Variants in GRIA4 observed in about 807,000 individuals in gnomAD.
GRIA4 encodes glutamate ionotropic receptor AMPA type subunit 4.
A neutral mutation model predicts 104.0 loss-of-function variants in GRIA4; 34 were observed. The observed-to-expected ratio is 0.33, with a 90% CI of 0.25 to 0.44. GRIA4 has a LOEUF of 0.44. GRIA4 is among the 20% of genes least tolerant of loss of function. The pLI is 1.00. For synonymous variants in GRIA4, 386 were observed against 381.9 expected (o/e 1.01, Z -0.13); for missense variants, 750 against 1,096.5 (o/e 0.68, Z 4.46).
chr11:105,674,229 C>T (rs763921101), intron 3 of GRIA4, among the ~76,000 whole-genome samples: 1 of 151,798 alleles, frequency 6.6e-6, no homozygotes, highest in Non-Finnish European at 1.5e-5. Flanking sequence ...ATTTTGGTAG[C>T]CTGGTGTTTT....
intron 8 of GRIA4, among the ~76,000 whole-genome samples, chr11:105,904,439 A>G (rs1019435094): frequency 6.6e-6 from 1 of 152,200 alleles, no homozygotes; most frequent in Non-Finnish European, 1.5e-5. Flanking sequence ...TTTACAACTC[A>G]TATGTCAGAA....
In GRIA4 at chr11:105,794,518, TACACAC is replaced by T. The variant is rs1165940733; in HGVS notation, c.487+41306_487+41311del. Among the ~76,000 whole-genome samples, 40 of 120,958 alleles carry T rather than the reference TACACAC, an allele frequency of 3.3e-4. No homozygotes were observed. The South Asian group carries it at 9.8e-3, about 30-fold the overall frequency. 79.4% of individuals were successfully genotyped at this position (120,958 alleles called of 152,430 possible). On this transcript the variant is annotated intron_variant, in intron 4 of 16. Transcript: ENST00000282499. ...ATATATATATATATATATATACATA[TACACAC>T]ACACACATATCTGTCTCTCTGAGAT... is the stretch of plus-strand genomic sequence containing the variant.
chr11:105,658,916 G>T (rs1951923993), intron 3 of GRIA4, among the ~76,000 whole-genome samples: 1 of 151,950 alleles, frequency 6.6e-6, no homozygotes. Context: ...CAGACAGACT[G>T]AATCCATAGG....
intron 3 of GRIA4, among the ~76,000 whole-genome samples, chr11:105,677,008 G>T (rs1275298610): frequency 1.3e-5 from 2 of 151,706 alleles, no homozygotes; most frequent in Non-Finnish European, 3.0e-5. Flanking sequence ...CATTCCATTT[G>T]CATAATTCAA....
Position 105,753,141 on chromosome 11 carries a change from T to G in GRIA4, c.408T>G (p.Pro136=). The change falls in exon 4 of 17, where the codon CCT becomes CCG. Residue 136 remains proline, a synonymous_variant. Transcript: ENST00000282499. ...GCCAGTTTGTGCTGCAACTAAGACC[T>G]TCGTTACGAGGAGCACTCTTGAGTT... The part of the protein sequence containing the change: ...GESQFVLQLR[P]SLRGALLSLL... 3 of 1,613,808 alleles carry G rather than the reference T, an allele frequency of 1.9e-6. No homozygotes were observed. The highest frequency in any genetic ancestry group is 1.7e-6 in the Non-Finnish European group (2 of 1,179,782).
intron 3 of GRIA4, among the ~76,000 whole-genome samples, chr11:105,658,272 C>T (rs375184360): frequency 9.9e-5 from 15 of 151,714 alleles, no homozygotes; most frequent in African/African-American, 3.6e-4. Flanking sequence ...TTGCTGCTTG[C>T]CATGAGTTTA....
chr11:105,740,290 T>C (rs904993162), intron 3 of GRIA4, among the ~76,000 whole-genome samples: 1 of 152,196 alleles, frequency 6.6e-6, no homozygotes, highest in Non-Finnish European at 1.5e-5. Flanking sequence ...AGTTAATGCA[T>C]GGTCAAAAGG....
chr11:105,629,163 C>T (rs1441567140), intron 3 of GRIA4, among the ~76,000 whole-genome samples: 35 of 151,174 alleles, frequency 2.3e-4, no homozygotes, highest in Non-Finnish European at 5.9e-5. Context: ...ATCCCTTGAG[C>T]CCAGGAGTTG....
At chr11:105,743,723 T>C (rs1939471120) in intron 3 of GRIA4, among the ~76,000 whole-genome samples, 3 of 152,166 alleles carry the variant, frequency 2.0e-5, no homozygotes, top group African/African-American at 7.2e-5. Flanking sequence ...ACTTCTCCCA[T>C]AGTATCCAAG....
intron 3 of GRIA4, among the ~76,000 whole-genome samples, chr11:105,743,089 T>C (rs1939418524): frequency 1.3e-5 from 2 of 152,080 alleles, no homozygotes; most frequent in Non-Finnish European, 2.9e-5. Flanking sequence ...TTCTTATCAC[T>C]ATGTTTTTGT....
intron 5 of GRIA4, among the ~76,000 whole-genome samples, chr11:105,886,665 G>A (rs1043955702): frequency 6.6e-6 from 1 of 152,064 alleles, no homozygotes; most frequent in Non-Finnish European, 1.5e-5. Flanking sequence ...CTTTGACAAT[G>A]AACGTACCTG....
intron 3 of GRIA4, among the ~76,000 whole-genome samples, chr11:105,714,174 T>C (rs1367154430): frequency 1.3e-5 from 2 of 152,068 alleles, no homozygotes; most frequent in Admixed American, 1.3e-4. Context: ...TCTCAAAACT[T>C]GATGATGTCA....
intron 14 of GRIA4, among the ~76,000 whole-genome samples, chr11:105,965,631 A>G (rs531899974): frequency 6.6e-6 from 1 of 151,952 alleles, no homozygotes; most frequent in South Asian, 2.1e-4. Context: ...TTCAAGACAC[A>G]ATTCTTTCTC....
rs112831927 is a variant in GRIA4, at chr11:105,798,017, C to T, written c.487+44797C>T. ...CACCTACTATGTGCCAGGAACTATC[C>T]TAGATTCAGCAATAATAACACTACT... On this transcript the variant is annotated intron_variant, in intron 4 of 16. Coordinates refer to ENST00000282499, the MANE Select transcript of GRIA4 (RefSeq NM_000829.4). 1,737 of 331,256 alleles carry T rather than the reference C, an allele frequency of 5.2e-3. 35 individuals are homozygous for T. Among genetic ancestry groups the T allele is most frequent in the African/African-American group, 0.035 (1,624 of 46,144 alleles). 20.5% of individuals were successfully genotyped at this position (331,256 alleles called of 1,614,324 possible). A position where few individuals can be genotyped will look rare whatever the true frequency, so the allele number is the denominator to read the frequency against.
chr11:105,938,788 T>C (rs1948115099), intron 14 of GRIA4, among the ~76,000 whole-genome samples: 1 of 152,140 alleles, frequency 6.6e-6, no homozygotes, highest in African/African-American at 2.4e-5. Context: ...TTATTGTGTG[T>C]ACCAAGTATT....
intron 4 of GRIA4, among the ~76,000 whole-genome samples, chr11:105,857,536 T>G (rs969070915): frequency 2.0e-5 from 3 of 152,124 alleles, no homozygotes; most frequent in Admixed American, 2.0e-4. Context: ...ATAATCTAGA[T>G]GTTTCTCTAT....
chr11:105,636,419 C>A (rs1951203135), intron 3 of GRIA4, among the ~76,000 whole-genome samples: 1 of 152,116 alleles, frequency 6.6e-6, no homozygotes. Context: ...TTCAGAGTGA[C>A]TTTTTATTCA....
intron 4 of GRIA4, among the ~76,000 whole-genome samples, chr11:105,846,905 T>C (rs1340256439): frequency 6.6e-6 from 1 of 152,248 alleles, no homozygotes; most frequent in Non-Finnish European, 1.5e-5. Flanking sequence ...AACATTACTG[T>C]ATACCTTGTA....
chr11:105,651,284 C>G (rs756079792), intron 3 of GRIA4, among the ~76,000 whole-genome samples: 10 of 152,168 alleles, frequency 6.6e-5, no homozygotes, highest in Non-Finnish European at 1.0e-4. Context: ...GGCTCATGAC[C>G]TCTTCGAAGT....
Sources: allele counts gnomAD v4.1 joint callset (sites outside exome capture counted in the v4.1 genomes callset), GRCh38; gene constraint gnomAD v4.1.1; transcripts MANE v1.5; gene names NCBI Gene and HGNC (gene_info 2026-07-23, HGNC 2026-07-21).